CFAP57: variants seen among roughly 807,000 people sequenced by gnomAD.
CFAP57 encodes the protein cilia- and flagella-associated protein 57.
CFAP57 carries 116 observed loss-of-function variants against 146.8 expected under a neutral mutation model. The ratio of observed to expected loss-of-function variants is 0.79; its 90% CI spans 0.68 to 0.92. The LOEUF is 0.92. Ranked by LOEUF, CFAP57 falls within the 40% of genes least tolerant of loss-of-function variation. CFAP57 has a pLI of 0.00. For synonymous variants in CFAP57, 518 were observed against 552.8 expected (o/e 0.94, Z 0.88); for missense variants, 1,377 against 1,527.2 (o/e 0.90, Z 1.64).
chr1:43,253,867 C>G (rs1270906426), intron 22 of CFAP57, 110 bp from the exon 23 acceptor site: 23 of 973,570 alleles, frequency 2.4e-5, no homozygotes, highest in Non-Finnish European at 3.6e-5. Flanking sequence ...ATTGAGTGCT[C>G]CACAGTAGGT....
chr1:43,222,501 T>A (rs1428224682), intron 15 of CFAP57, among the ~76,000 whole-genome samples: 1 of 152,182 alleles, frequency 6.6e-6, no homozygotes, highest in Non-Finnish European at 1.5e-5. Context: ...TCACAAGTTC[T>A]GTGAGAGAAA....
At chr1:43,248,731 T>C (rs1039705192) in intron 22 of CFAP57, among the ~76,000 whole-genome samples, 10 of 152,268 alleles carry the variant, frequency 6.6e-5, no homozygotes, top group African/African-American at 2.2e-4. Flanking sequence ...ATATACAGAA[T>C]TATATATTAA....
At chr1:43,213,503 T>TGGCG (rs1553180278) in intron 11 of CFAP57, among the ~76,000 whole-genome samples, 4 of 87,566 alleles carry the variant, frequency 4.6e-5, no homozygotes, top group African/African-American at 1.5e-4. Context: ...ACAATAAATA[T>TGGCG]GGGGGGGGCG....
chr1:43,179,741 T>C (rs1278075490), intron 2 of CFAP57, among the ~76,000 whole-genome samples: 2 of 152,238 alleles, frequency 1.3e-5, no homozygotes, highest in African/African-American at 4.8e-5. Flanking sequence ...TGGACCTCCG[T>C]ACCCAACTGT....
chr1:43,221,925 T>G (rs771264686), intron 14 of CFAP57, among the ~76,000 whole-genome samples, 180 bp from the exon 15 acceptor site: 1 of 152,124 alleles, frequency 6.6e-6, no homozygotes, highest in Non-Finnish European at 1.5e-5. Context: ...TTTGGCTACC[T>G]GATGAGATGA....
chr1:43,210,245 A>T, intron 11 of CFAP57: 2 of 1,485,960 alleles, frequency 1.3e-6, no homozygotes, highest in Middle Eastern at 2.4e-4. Flanking sequence ...CTCCTCCTCC[A>T]GAGAATGCCC....
chr1:43,225,860 C>T lies in CFAP57; in HGVS notation c.2866-1123C>T, dbSNP rs570978790. Among the ~76,000 whole-genome samples, 395 of 152,308 alleles carry T rather than the reference C, an allele frequency of 2.6e-3. 2 individuals are homozygous for T. Among genetic ancestry groups the T allele is most frequent in the Middle Eastern group, 0.01 (3 of 294 alleles). On this transcript the variant is annotated intron_variant, in intron 17 of 22. Transcript: ENST00000372492. The stretch of plus-strand genomic sequence containing the variant: ...TTATGTTCTGATTACTATCACCGTG[C>T]AACAAATTAACCTTAAAACTTACTG...
rs377659270 is a variant in CFAP57, at chr1:43,251,644, C to T, written c.3539-2333C>T. 4.6e-5 allele frequency among the ~76,000 whole-genome samples: 7 copies of T among 152,298 alleles called. 1 individual carries two copies. Among genetic ancestry groups the T allele is most frequent in the Admixed American group, 2.6e-4 (4 of 15,300 alleles). On this transcript the variant is annotated intron_variant, in intron 22 of 22. Transcript: ENST00000372492. Reference sequence around the variant, plus strand: ...AAGCAATTATTAACTTTAGGAAACACAAATTATTGTATGGAAAAGAGAAAT... The same window carrying T: ...AAGCAATTATTAACTTTAGGAAACATAAATTATTGTATGGAAAAGAGAAAT...
intron 9 of CFAP57, 51 bp downstream of exon 9, chr1:43,199,554 G>C (rs1421131991): frequency 6.5e-7 from 1 of 1,526,752 alleles, no homozygotes; most frequent in Non-Finnish European, 9.1e-7. Context: ...AGCCAAGTAT[G>C]CCGCCAGCCA....
intron 6 of CFAP57, among the ~76,000 whole-genome samples, chr1:43,191,777 G>T: frequency 1.4e-5 from 2 of 144,166 alleles, no homozygotes; most frequent in South Asian, 2.3e-4. Context: ...CCTTCCTTTG[G>T]CTTGCTTTAG....
intron 7 of CFAP57, 23 bp downstream of exon 7, chr1:43,197,715 A>C: frequency 6.2e-7 from 1 of 1,613,848 alleles, no homozygotes; most frequent in Non-Finnish European, 8.5e-7. Flanking sequence ...AGGCTTGCCT[A>C]CTTTATTATG....
chr1:43,240,495 G>A (rs536986900), intron 21 of CFAP57, among the ~76,000 whole-genome samples: 1 of 152,250 alleles, frequency 6.6e-6, no homozygotes, highest in African/African-American at 2.4e-5. Context: ...TAACCTGGTG[G>A]GGGACCCATC....
chr1:43,207,096 ATCG>A lies in CFAP57; in HGVS notation c.1755+167_1755+169del, dbSNP rs879049485. On this transcript the variant is annotated intron_variant, in intron 10 of 22. Transcript: ENST00000372492. ...TCATTCCTTTTAGATTAGCTCAGTT[ATCG>A]TCACTTCCTGAATTTCCTGCCTAGT... Among the ~76,000 whole-genome samples the A allele has an allele frequency of 5.3e-5, 8 of 152,346 alleles. No homozygotes were observed. The South Asian group carries it at 1.7e-3, about 32-fold the overall frequency.
chr1:43,192,492 G>A (rs371219111), intron 6 of CFAP57, among the ~76,000 whole-genome samples: 8 of 151,750 alleles, frequency 5.3e-5, no homozygotes, highest in South Asian at 2.1e-4. Context: ...GCGTGGTGGC[G>A]CATGCCTATA....
intron 5 of CFAP57, 83 bp from the exon 6 acceptor site, chr1:43,186,610 CAAAAAAAAAAAAAA>C (rs36219136): frequency 9.3e-6 from 7 of 750,340 alleles, no homozygotes; most frequent in African/African-American, 5.1e-5. Context: ...GACTCCGTCT[CAAAAAAAAAAAAAA>C]AAAAAAAAAG....
chr1:43,248,183 A>ATTG (rs1218356869), intron 22 of CFAP57, among the ~76,000 whole-genome samples: 4 of 151,710 alleles, frequency 2.6e-5, no homozygotes, highest in African/African-American at 9.7e-5. Context: ...TCCAGGACAA[A>ATTG]AATTCATCAT....
chr1:43,210,452 C>T lies in CFAP57; in HGVS notation c.1929+536C>T, dbSNP rs564058684. ...ATCCATCGACAGACGAATGCATAAG[C>T]AAAAGATGGTATATCTATACAATGG... On this transcript the variant is annotated intron_variant, in intron 11 of 22. Transcript: ENST00000372492. The T allele has an allele frequency of 2.4e-5, 26 of 1,096,792 alleles. No individual in the cohort carries two copies. In the South Asian group the frequency reaches 4.4e-4, roughly 19 times the overall value. 67.9% of individuals were successfully genotyped at this position (1,096,792 alleles called of 1,614,324 possible). A position where few individuals can be genotyped will look rare whatever the true frequency, so the allele number is the denominator to read the frequency against.
intron 11 of CFAP57, chr1:43,210,239 T>C (rs1644544445): frequency 6.7e-7 from 1 of 1,489,084 alleles, no homozygotes; most frequent in East Asian, 2.5e-5. Flanking sequence ...AGCTGCCTCC[T>C]CCTCCAGAGA....
chr1:43,179,448 A>C (rs1645302239), intron 2 of CFAP57, among the ~76,000 whole-genome samples: 1 of 152,204 alleles, frequency 6.6e-6, no homozygotes, highest in Non-Finnish European at 1.5e-5. Flanking sequence ...TGAATGAATG[A>C]ATGAATGAGC....
Sources: gnomAD v4.1 joint callset for allele counts (sites outside exome capture counted in the v4.1 genomes callset) on GRCh38, gnomAD v4.1.1 for gene constraint, MANE v1.5 for transcripts, NCBI Gene and HGNC (gene_info 2026-07-23, HGNC 2026-07-21) for gene names.